Variants in TNIK observed in about 807,000 individuals in gnomAD.
TNIK encodes the protein TRAF2 and NCK interacting kinase, also known as TRAF2 and NCK-interacting protein kinase.
A neutral mutation model predicts 191.3 loss-of-function variants in TNIK; 49 were observed. The observed-to-expected ratio is 0.26, with a 90% CI of 0.20 to 0.32. TNIK has a LOEUF of 0.32. Among genes scored for constraint, TNIK ranks in the 10% least tolerant of loss-of-function variants. TNIK has a pLI of 1.00. For missense variants in TNIK, 1,155 were observed against 1,702.3 expected, an observed-to-expected ratio of 0.68 and a Z score of 5.66; for synonymous variants, 594 against 600.9, an observed-to-expected ratio of 0.99 and a Z score of 0.17.
chr3:171,158,235 G>A (rs946764154), intron 11 of TNIK, among the ~76,000 whole-genome samples: 1 of 152,216 alleles, frequency 6.6e-6, no homozygotes, highest in Admixed American at 6.5e-5. Context: ...CTGAGTCCAA[G>A]TCAGGGTTTG....
intron 1 of TNIK, among the ~76,000 whole-genome samples, chr3:171,459,584 G>A (rs1170903746): frequency 2.0e-5 from 3 of 151,960 alleles, no homozygotes; most frequent in African/African-American, 7.3e-5. Context: ...GAAAACGTGA[G>A]GGGCCAGTGC....
At chr3:171,121,545 C>G (rs1219984755) in intron 18 of TNIK, among the ~76,000 whole-genome samples, 2 of 152,216 alleles carry the variant, frequency 1.3e-5, no homozygotes, top group African/African-American at 4.8e-5. Context: ...CCACGTGGAG[C>G]AAGAGGTACA....
At chr3:171,317,305 G>T (rs1230400138) in intron 2 of TNIK, among the ~76,000 whole-genome samples, 1 of 152,028 alleles carries the variant, frequency 6.6e-6, no homozygotes, top group African/African-American at 2.4e-5. Context: ...GTTCTCTCCA[G>T]GAAGCACCAG....
chr3:171,326,165 G>T (rs1261310273), intron 2 of TNIK, among the ~76,000 whole-genome samples: 1 of 152,076 alleles, frequency 6.6e-6, no homozygotes, highest in Admixed American at 6.5e-5. Context: ...AAAGAGGAAA[G>T]TTACCAAAAG....
intron 9 of TNIK, among the ~76,000 whole-genome samples, chr3:171,167,899 C>T (rs1388959688): frequency 6.6e-6 from 1 of 152,148 alleles, no homozygotes; most frequent in Admixed American, 6.5e-5. Context: ...CACTTTTGAA[C>T]GCTGCTTTCC....
chr3:171,368,079 T>C (rs532455105), intron 2 of TNIK, among the ~76,000 whole-genome samples: 1 of 152,316 alleles, frequency 6.6e-6, no homozygotes, highest in Non-Finnish European at 1.5e-5. Flanking sequence ...TAACAAGAAA[T>C]TATGGATAAT....
chr3:171,417,075 T>C (rs539449175), intron 1 of TNIK, among the ~76,000 whole-genome samples: 22 of 152,370 alleles, frequency 1.4e-4, no homozygotes, highest in Non-Finnish European at 2.5e-4. Context: ...TGAATGTCTC[T>C]GTGCTACAAA....
chr3:171,145,809 T>C (rs1458336119), intron 12 of TNIK, among the ~76,000 whole-genome samples: 2 of 151,454 alleles, frequency 1.3e-5, no homozygotes, highest in Non-Finnish European at 2.9e-5. Context: ...TTAAATGCTC[T>C]TCTTAGATTA....
At chr3:171,368,837 A>G (rs1716097679) in intron 2 of TNIK, among the ~76,000 whole-genome samples, 1 of 152,148 alleles carries the variant, frequency 6.6e-6, no homozygotes, top group Non-Finnish European at 1.5e-5. Flanking sequence ...TTCCCTAGAA[A>G]TTATCATGAG....
intron 12 of TNIK, among the ~76,000 whole-genome samples, chr3:171,154,347 T>G (rs1732892469): frequency 6.6e-6 from 1 of 152,084 alleles, no homozygotes. Context: ...CTGGACAATG[T>G]TAGGATGGTC....
chr3:171,069,709 T>G (rs1241801636), intron 29 of TNIK, among the ~76,000 whole-genome samples: 1 of 152,228 alleles, frequency 6.6e-6, no homozygotes, highest in Non-Finnish European at 1.5e-5. Context: ...AACTGTCAAG[T>G]GTTCCTCTGC....
chr3:171,456,178 G>C (rs1728778529), intron 1 of TNIK, among the ~76,000 whole-genome samples: 1 of 152,188 alleles, frequency 6.6e-6, no homozygotes, highest in African/African-American at 2.4e-5. Flanking sequence ...GGCCTTGAAT[G>C]CCTTACCCTG....
chr3:171,071,618 C>T (rs1225162730), intron 28 of TNIK, among the ~76,000 whole-genome samples: 2 of 152,108 alleles, frequency 1.3e-5, no homozygotes, highest in Non-Finnish European at 2.9e-5. Flanking sequence ...TGTTGATATT[C>T]ATTGTAATAA....
intron 21 of TNIK, among the ~76,000 whole-genome samples, chr3:171,105,161 A>G (rs1724572795): frequency 6.6e-6 from 1 of 152,230 alleles, no homozygotes; most frequent in Non-Finnish European, 1.5e-5. Context: ...TTTCAATCCC[A>G]GTTATCTAAA....
Position 171,101,466 on chromosome 3 carries a change from G to C in TNIK, c.2574C>G (p.Ser858Arg), listed in dbSNP as rs900629577. 7 of 1,611,112 alleles carry C rather than the reference G, an allele frequency of 4.3e-6. No homozygotes were observed. Among genetic ancestry groups the C allele is most frequent in the Non-Finnish European group, 5.9e-6 (7 of 1,178,856 alleles). ...TCTCTTACATCAGTCTGGGTATGTC[G>C]CTGACAGCCACTGTCCCATCATGGG... ...SETHDGTVAVSDIPRLIPTGA... is the reference protein window; with the variant it reads ...SETHDGTVAVRDIPRLIPTGA... The change falls in exon 22 of 33, where the codon AGC becomes AGG. Residue 858 changes from serine (S) to arginine (R), a missense_variant. By Grantham distance (110) the Ser-to-Arg change is moderately radical. Around this residue, in one of 3 missense-constraint regions of TNIK, gnomAD observed 735 missense variants for 848.0 expected, o/e 0.87. Coordinates refer to ENST00000436636, the MANE Select transcript of TNIK (RefSeq NM_015028.4).
At chr3:171,118,370 A>G (rs1487296172) in intron 18 of TNIK, among the ~76,000 whole-genome samples, 1 of 152,216 alleles carries the variant, frequency 6.6e-6, no homozygotes, top group Non-Finnish European at 1.5e-5. Flanking sequence ...TGCCCAAGGT[A>G]ATTTATAGAT....
intron 23 of TNIK, among the ~76,000 whole-genome samples, chr3:171,093,192 G>A (rs771313847): frequency 8.9e-4 from 135 of 152,236 alleles, no homozygotes; most frequent in South Asian, 2.3e-3. Context: ...GGGTCTTTCT[G>A]GTTAGCATGG....
chr3:171,324,451 A>G (rs1049941519), intron 2 of TNIK, among the ~76,000 whole-genome samples: 2 of 152,110 alleles, frequency 1.3e-5, no homozygotes, highest in Non-Finnish European at 2.9e-5. Flanking sequence ...CATGGCTGCT[A>G]CTAGGTTTCT....
At chr3:171,319,399 A>G (rs928902726) in intron 2 of TNIK, among the ~76,000 whole-genome samples, 1 of 152,166 alleles carries the variant, frequency 6.6e-6, no homozygotes. Flanking sequence ...TAAAATTACA[A>G]AGAGTGTTTT....
Sources: gnomAD v4.1 joint callset for allele counts (sites outside exome capture counted in the v4.1 genomes callset) on GRCh38, gnomAD v4.1.1 for gene constraint, gnomAD v4.1.1 regional missense constraint, MANE v1.5 for transcripts, NCBI Gene and HGNC (gene_info 2026-07-23, HGNC 2026-07-21) for gene names.